The following FANCB variants were observed in gnomAD, a reference collection of about 807,000 sequenced individuals.
FANCB encodes the protein FA complementation group B.
FANCB carries 5 observed loss-of-function variants against 38.9 expected under a neutral mutation model. The observed-to-expected ratio is 0.13, with a 90% CI of 0.07 to 0.27. FANCB has a LOEUF of 0.27. Among genes scored for constraint, FANCB ranks in the 10% least tolerant of loss-of-function variants. The pLI, the probability that FANCB is intolerant of heterozygous loss-of-function variation, is 1.00. For synonymous variants in FANCB, 236 were observed against 215.4 expected, an observed-to-expected ratio of 1.10 and a Z score of -0.84; for missense variants, 573 against 602.7, an observed-to-expected ratio of 0.95 and a Z score of 0.52.
chrX:14,774,890 T>G, the FANCB span, among the ~76,000 whole-genome samples: 1 of 111,389 alleles, frequency 9.0e-6, no homozygotes, highest in Non-Finnish European at 1.9e-5. Flanking sequence ...TAGCGTGCAG[T>G]GGCACAATCT....
chrX:14,690,827 C>G, the FANCB span: 4 of 1,206,814 alleles, frequency 3.3e-6, no homozygotes, highest in Non-Finnish European at 4.5e-6. Flanking sequence ...GGAGTTCCTG[C>G]GCCTCCGAAG....
chrX:14,833,510 T>C (rs1416309906), downstream of FANCB, among the ~76,000 whole-genome samples: 2 of 111,894 alleles, frequency 1.8e-5, no homozygotes, highest in South Asian at 7.4e-4. Flanking sequence ...TGATAGTATG[T>C]ATGTTAAAGT....
rs184696344 is a variant in FANCB at position 14,864,109 on chromosome X, T to C, written c.951+451A>G. On this transcript the variant is annotated intron_variant, in intron 3 of 9. Transcript: ENST00000650831. ...GAGATCACGCCACTGCACTCCAACC[T>C]GGATGACAAAGCGAGACTCTGTCTC... Among the ~76,000 whole-genome samples the C allele has an allele frequency of 3.1e-4, 34 of 111,131 alleles. No homozygotes were observed. In the East Asian group the frequency reaches 9.3e-3, roughly 31 times the overall value.
the FANCB span, among the ~76,000 whole-genome samples, chrX:14,809,793 T>G: frequency 8.9e-6 from 1 of 112,542 alleles, no homozygotes; most frequent in Non-Finnish European, 1.9e-5. Context: ...CCCTGCAGAC[T>G]TAAATGTCCC....
the FANCB span, among the ~76,000 whole-genome samples, chrX:14,704,928 A>G: frequency 4.5e-5 from 5 of 112,067 alleles, no homozygotes; most frequent in Non-Finnish European, 9.4e-5. Flanking sequence ...GAACCATAAG[A>G]GAGTTATAGT....
At chrX:14,796,661 TAC>T in the FANCB span, among the ~76,000 whole-genome samples, 4,368 of 87,489 alleles carry the variant, frequency 0.05, 176 homozygotes, top group East Asian at 0.11. Flanking sequence ...AGTGCATATA[TAC>T]ACACACACAC....
the FANCB span, among the ~76,000 whole-genome samples, chrX:14,772,358 T>C: frequency 8.0e-5 from 9 of 111,986 alleles, no homozygotes; most frequent in African/African-American, 2.9e-4. Context: ...TGGACTGGGG[T>C]CCTGCTTAAA....
intron 5 of FANCB, among the ~76,000 whole-genome samples, chrX:14,855,054 T>C (rs774999257): frequency 1.8e-5 from 2 of 111,844 alleles, no homozygotes; most frequent in Non-Finnish European, 3.8e-5. Context: ...TATTCCATCA[T>C]ATGACTACCC....
At chrX:14,866,317 T>C (rs984341209) in intron 2 of FANCB, among the ~76,000 whole-genome samples, 1 of 112,377 alleles carries the variant, frequency 8.9e-6, no homozygotes, top group Non-Finnish European at 1.9e-5. Context: ...AATTAAATAA[T>C]ATCAATCATT....
chrX:14,815,741 A>T, the FANCB span, among the ~76,000 whole-genome samples: 1 of 112,556 alleles, frequency 8.9e-6, no homozygotes, highest in Non-Finnish European at 1.9e-5. Context: ...ACTGTTCACC[A>T]TAGCAAAGAT....
the FANCB span, among the ~76,000 whole-genome samples, chrX:14,717,738 A>G: frequency 2.1e-5 from 2 of 96,341 alleles, no homozygotes; most frequent in Non-Finnish European, 4.3e-5. Flanking sequence ...CCTTCTGTAA[A>G]GTAAAAAAAA....
At chrX:14,701,795 T>C in the FANCB span, among the ~76,000 whole-genome samples, 2 of 112,664 alleles carry the variant, frequency 1.8e-5, no homozygotes, top group East Asian at 5.6e-4. Flanking sequence ...GCACAGACCT[T>C]CTTAAGGGAG....
At chrX:14,712,002 A>C in the FANCB span, among the ~76,000 whole-genome samples, 2 of 113,110 alleles carry the variant, frequency 1.8e-5, no homozygotes, top group Non-Finnish European at 3.7e-5. Flanking sequence ...GATACCAACT[A>C]ATGGCCAAAT....
At chrX:14,850,414 AT>A (rs1443369308) in intron 7 of FANCB, 90 bp downstream of exon 7, 1 of 702,344 alleles carries the variant, frequency 1.4e-6, no homozygotes, top group African/African-American at 2.1e-5. Context: ...CCTCTAGAAC[AT>A]TTAAAATTGC....
Position 14,864,863 on chromosome X carries a change from A to T in FANCB, c.648T>A (p.Ser216=). The T allele has an allele frequency of 8.3e-7, 1 of 1,210,218 alleles. No homozygotes were observed. Among genetic ancestry groups the T allele is most frequent in the Non-Finnish European group, 1.1e-6 (1 of 893,821 alleles). ...AIWNTKFCVY[S]LESQEVLSDI... ...CACTTAATACTTCTTGACTTTCAAG[A>T]GAATATACACAAAATTTGGTATTCC... The change falls in exon 3 of 10, where the codon TCT becomes TCA. Residue 216 remains serine, a synonymous_variant. Transcript: ENST00000650831.
At position 14,850,746 on chromosome X, in the gene FANCB, G is replaced by T. The variant is rs180888478; in HGVS notation, c.1327-72C>A. 6.9e-3 allele frequency: 4,043 copies of T among 587,544 alleles called. 113 individuals carry two copies. The African/African-American group carries it at 0.083, about 12-fold the overall frequency. 48.4% of individuals were successfully genotyped at this position (587,544 alleles called of 1,213,427 possible). A position where few individuals can be genotyped will look rare whatever the true frequency, so the allele number is the denominator to read the frequency against. ...GTAGCAAAACTAAAAAAAAAAAAAA[G>T]TTAAGTGTGCTTTTGGCTAGGGCTT... On this transcript the variant is annotated intron_variant, in intron 6 of 9. Transcript: ENST00000650831.
At chrX:14,725,462 C>G in the FANCB span, among the ~76,000 whole-genome samples, 72 of 111,242 alleles carry the variant, frequency 6.5e-4, no homozygotes, top group African/African-American at 2.2e-3. Context: ...ACCTTCAGTT[C>G]CAACTGAGAA....
At chrX:14,690,363 T>C in the FANCB span, among the ~76,000 whole-genome samples, 1 of 111,869 alleles carries the variant, frequency 8.9e-6, no homozygotes, top group Non-Finnish European at 1.9e-5. Flanking sequence ...CATCATGGAA[T>C]GTCTAAATTG....
At chrX:14,760,624 C>T in the FANCB span, among the ~76,000 whole-genome samples, 2 of 111,741 alleles carry the variant, frequency 1.8e-5, no homozygotes, top group Admixed American at 1.9e-4. Flanking sequence ...TCACACAGTA[C>T]TCCAGAAATA....
Sources: gnomAD v4.1 joint callset for allele counts (sites outside exome capture counted in the v4.1 genomes callset) on GRCh38, gnomAD v4.1.1 for gene constraint, MANE v1.5 for transcripts, NCBI Gene and HGNC (gene_info 2026-07-23, HGNC 2026-07-21) for gene names.